Variants in NFASC observed in about 807,000 individuals in gnomAD.
NFASC encodes neurofascin homolog.
A neutral mutation model predicts 147.5 loss-of-function variants in NFASC; 43 were observed. The ratio of observed to expected loss-of-function variants is 0.29; its 90% CI spans 0.23 to 0.38. The LOEUF (loss-of-function observed/expected upper bound fraction) is 0.38. Among genes scored for constraint, NFASC ranks in the 10% least tolerant of loss-of-function variants. The pLI, the probability that NFASC is intolerant of heterozygous loss-of-function variation, is 1.00. For missense variants in NFASC, 1,320 were observed against 1,689.0 expected (o/e 0.78, Z 3.83); for synonymous variants, 622 against 665.5 (o/e 0.93, Z 1.01).
intron 24 of NFASC, among the ~76,000 whole-genome samples, chr1:204,995,173 TCCAGGTCTGTGC>T (rs970935334): frequency 9.9e-5 from 15 of 152,198 alleles, no homozygotes; most frequent in African/African-American, 3.6e-4. Flanking sequence ...AAATAATTGC[TCCAGGTCTGTGC>T]CAGCAGCACA....
intron 27 of NFASC, among the ~76,000 whole-genome samples, chr1:205,006,136 C>T (rs2029141): frequency 0.45 from 68,734 of 152,064 alleles, 18,186 homozygotes; most frequent in Non-Finnish European, 0.6. Flanking sequence ...TTCTAGCACA[C>T]GGGCAAGCCA....
At chr1:204,863,847 C>CA (rs35987665) in intron 1 of NFASC, among the ~76,000 whole-genome samples, 962 of 61,300 alleles carry the variant, frequency 0.016, 17 homozygotes, top group African/African-American at 0.037. Context: ...GACTCTGTCT[C>CA]AAAAAAAAAA....
At chr1:204,904,921 T>C (rs915167961) in intron 1 of NFASC, among the ~76,000 whole-genome samples, 2 of 152,064 alleles carry the variant, frequency 1.3e-5, no homozygotes, top group Non-Finnish European at 2.9e-5. Context: ...TTTATAATAA[T>C]ATAATAAGTA....
chr1:204,904,109 G>A (rs907934326), intron 1 of NFASC, among the ~76,000 whole-genome samples: 6 of 152,074 alleles, frequency 3.9e-5, no homozygotes, highest in Non-Finnish European at 7.4e-5. Flanking sequence ...GTGTTTGTTT[G>A]TTTGTTTTGA....
intron 19 of NFASC, 74 bp from the exon 20 acceptor site, chr1:204,980,296 G>A (rs890403203): frequency 8.8e-7 from 1 of 1,135,644 alleles, no homozygotes; most frequent in Non-Finnish European, 1.3e-6. Flanking sequence ...CATCAGGTAG[G>A]ACAGAGGAAG....
In NFASC at chr1:204,987,728, T is replaced by G. The variant is rs2095644985; in HGVS notation, c.2593+188T>G. Among the ~76,000 whole-genome samples the G allele has an allele frequency of 6.6e-6, 1 of 152,184 alleles. No homozygotes were observed. The highest frequency in any genetic ancestry group is 2.4e-5 in the African/African-American group (1 of 41,432). On this transcript the variant is annotated intron_variant, in intron 22 of 29. Transcript: ENST00000339876. The surrounding 1 kb of genome is among the most constrained non-coding windows in gnomAD (Gnocchi z 4.4). ...GATGGGACTCAATCCCTGCTCTCCTTTCATAGTTCTGCCTGCAGGGAGCTT... is the reference window on the plus strand; with the variant it reads ...GATGGGACTCAATCCCTGCTCTCCTGTCATAGTTCTGCCTGCAGGGAGCTT...
chr1:205,002,425 A>G (rs6661381), intron 26 of NFASC, among the ~76,000 whole-genome samples, 171 bp from the exon 27 acceptor site: 34,815 of 152,136 alleles, frequency 0.23, 4,174 homozygotes, highest in South Asian at 0.34. Flanking sequence ...TTGCACAGAC[A>G]GGCATAGGGA....
chr1:204,885,588 T>A (rs1190973058), intron 1 of NFASC, among the ~76,000 whole-genome samples: 1 of 152,218 alleles, frequency 6.6e-6, no homozygotes, highest in Non-Finnish European at 1.5e-5. Context: ...AAGAGTCTTT[T>A]GTTTTATGAA....
rs1248688186 is a variant in NFASC at position 204,981,971 on chromosome 1, C to T, written c.2421C>T (p.Phe807=). Residue 807 remains phenylalanine (F), a synonymous_variant, in exon 21 of 30, where the codon TTC becomes TTT. Coordinates refer to ENST00000339876, the MANE Select transcript of NFASC (RefSeq NM_001005388.3). ...TCCGAGTCCAGGCTGAAAATGACTT[C>T]GGGAAGGGCCCTGAGCCAGAGTCCG... ...YEIRVQAEND[F]GKGPEPESVI... 10 of 1,605,786 alleles carry T rather than the reference C, an allele frequency of 6.2e-6. No individual in the cohort carries two copies. The African/African-American group carries it at 6.7e-5, about 11-fold the overall frequency.
At chr1:204,836,438 C>T (rs1388827178) in intron 1 of NFASC, among the ~76,000 whole-genome samples, 2 of 152,186 alleles carry the variant, frequency 1.3e-5, no homozygotes, top group African/African-American at 2.4e-5. Flanking sequence ...GTCTGTCTCC[C>T]TGCCACCTAA....
At chr1:204,959,094 C>A (rs1474176187) in intron 8 of NFASC, among the ~76,000 whole-genome samples, 1 of 150,956 alleles carries the variant, frequency 6.6e-6, no homozygotes, top group Non-Finnish European at 1.5e-5. Context: ...TCATTTTCTT[C>A]CTTTTTCTTT....
chr1:204,951,292 GTGCT>G (rs1467791591), intron 4 of NFASC, among the ~76,000 whole-genome samples: 8 of 149,932 alleles, frequency 5.3e-5, no homozygotes, highest in East Asian at 3.9e-4. Flanking sequence ...GGGGTTATAG[GTGCT>G]CACCACCATG....
At position 204,988,739 on chromosome 1, in the gene NFASC, C is replaced by T; in HGVS notation, c.2700C>T (p.Leu900=). ...TDPVSRYRFT[L]SARTQVGSGE... ...CCGTGTCACGCTACCGCTTTACCCT[C>T]AGCGCCAGGACGCAGGTGGGCTCTG... The change falls in exon 23 of 30, where the codon CTC becomes CTT. Residue 900 remains leucine, a synonymous_variant. Coordinates refer to ENST00000339876, the MANE Select transcript of NFASC (RefSeq NM_001005388.3). 1.2e-6 allele frequency: 2 copies of T among 1,614,252 alleles called. No homozygotes were observed. The highest frequency in any genetic ancestry group is 8.5e-7 in the Non-Finnish European group (1 of 1,180,044).
chr1:204,904,099 GTGTT>G (rs1413921643), intron 1 of NFASC, among the ~76,000 whole-genome samples: 2 of 152,082 alleles, frequency 1.3e-5, no homozygotes, highest in South Asian at 2.1e-4. Context: ...TTTCGTGTGT[GTGTT>G]TGTTTGTTTG....
At chr1:204,906,875 G>A (rs1486023383) in intron 1 of NFASC, among the ~76,000 whole-genome samples, 2 of 152,092 alleles carry the variant, frequency 1.3e-5, no homozygotes, top group African/African-American at 4.8e-5. Context: ...AGTAGAGACG[G>A]GGTTTCACCA....
In NFASC at chr1:204,979,674, G is replaced by A. The variant is rs1033825762; in HGVS notation, c.2176+115G>A. 14 of 918,454 alleles carry A rather than the reference G, an allele frequency of 1.5e-5. No homozygotes were observed. Among genetic ancestry groups the A allele is most frequent in the East Asian group, 4.8e-5 (2 of 41,352 alleles). The allele number at this position is 918,454 out of a possible 1,614,324, so 56.9% of individuals were successfully genotyped here. On this transcript the variant is annotated intron_variant, in intron 19 of 29. Transcript: ENST00000339876. The surrounding 1 kb of genome is among the most constrained non-coding windows in gnomAD (Gnocchi z 6.0). ...AGGTTACTTAACTTCTCCAAGGCCC[G>A]GCCTCATCTGTGAGGCAGAGAGTAA...
At chr1:204,904,051 T>G (rs966332449) in intron 1 of NFASC, among the ~76,000 whole-genome samples, 1 of 152,204 alleles carries the variant, frequency 6.6e-6, no homozygotes, top group African/African-American at 2.4e-5. Flanking sequence ...ACAAGTTATT[T>G]AACATCGCTA....
intron 2 of NFASC, among the ~76,000 whole-genome samples, chr1:204,931,102 T>C (rs2092330301): frequency 6.6e-6 from 1 of 152,062 alleles, no homozygotes; most frequent in African/African-American, 2.4e-5. Flanking sequence ...AGAATATGAA[T>C]GAGAATGTAG....
intron 2 of NFASC, among the ~76,000 whole-genome samples, chr1:204,932,129 C>T (rs891059726): frequency 6.6e-6 from 1 of 152,158 alleles, no homozygotes; most frequent in Non-Finnish European, 1.5e-5. Context: ...TATAGGTCTC[C>T]GTTGGGTCAG....
Sources: allele counts gnomAD v4.1 joint callset (sites outside exome capture counted in the v4.1 genomes callset), GRCh38; gene constraint gnomAD v4.1.1; non-coding constraint Gnocchi (gnomAD v3.1); transcripts MANE v1.5; gene names NCBI Gene and HGNC (gene_info 2026-07-23, HGNC 2026-07-21).